GRHL2: variants seen among roughly 807,000 people sequenced by gnomAD.
GRHL2 encodes grainyhead like transcription factor 2, also known as grainyhead-like protein 2 homolog.
A neutral mutation model predicts 83.8 loss-of-function variants in GRHL2; 21 were observed. The ratio of observed to expected loss-of-function variants is 0.25; its 90% CI spans 0.18 to 0.36. GRHL2 has a LOEUF of 0.36. Among genes scored for constraint, GRHL2 ranks in the 10% least tolerant of loss-of-function variants. GRHL2 has a pLI of 1.00. For synonymous variants in GRHL2, 280 were observed against 278.9 expected (o/e 1.00, Z -0.04); for missense variants, 623 against 781.8 (o/e 0.80, Z 2.42).
At chr8:101,586,061 G>GTTTTTTTTTTTTTTTTT (rs1563593697) in intron 7 of GRHL2, among the ~76,000 whole-genome samples, 3 of 46,572 alleles carry the variant, frequency 6.4e-5, no homozygotes, top group Non-Finnish European at 9.3e-5. Flanking sequence ...TCCACCTCAT[G>GTTTTTTTTTTTTTTTTT]TTTCTTTTTT....
At chr8:101,576,240 GTCTC>G (rs1489016877) in intron 6 of GRHL2, among the ~76,000 whole-genome samples, 2 of 152,106 alleles carry the variant, frequency 1.3e-5, no homozygotes, top group Admixed American at 1.3e-4. Flanking sequence ...TTGAGACAGG[GTCTC>G]TCTCTGTCAC....
At position 101,669,254 on chromosome 8, in the gene GRHL2, C is replaced by CTTTTTATCTTTTTTTT. The variant is rs1554599112; in HGVS notation, c.*2556_*2557insATCTTTTTTTTTTTTT. The CTTTTTATCTTTTTTTT allele has an allele frequency of 7.9e-6, 1 of 126,626 alleles. No homozygotes were observed. Among genetic ancestry groups the CTTTTTATCTTTTTTTT allele is most frequent in the Non-Finnish European group, 1.6e-5 (1 of 61,468 alleles). The allele number at this position is 126,626 out of a possible 1,614,324, so 7.8% of individuals were successfully genotyped here. On this transcript the variant is annotated 3_prime_UTR_variant, in exon 16 of 16. Coordinates refer to ENST00000646743, the MANE Select transcript of GRHL2 (RefSeq NM_024915.4). ...GGACATGTGAAATGAGCATTTTTTT[C>CTTTTTATCTTTTTTTT]TTTTTTTTTTTTAACAAAGTCTGAA...
Position 101,558,504 on chromosome 8 carries a change from C to T in GRHL2, c.370C>T (p.Leu124Phe). The T allele has an allele frequency of 6.2e-7, 1 of 1,614,144 alleles. No homozygotes were observed. The highest frequency in any genetic ancestry group is 8.5e-7 in the Non-Finnish European group (1 of 1,180,024). ...VQVLKTVPVN[L>F]SLNQDHLENS... is the part of the protein sequence containing the mutation. ...AGTCCTAAAGACTGTTCCAGTGAAC[C>T]TTTCCCTAAATCAAGATCACCTGGA... is the stretch of plus-strand genomic sequence containing the variant. Residue 124 changes from leucine to phenylalanine, a missense_variant, in exon 4 of 16, where the codon CTT (leucine) becomes TTT (phenylalanine). This residue lies in a region of GRHL2 where 239 missense variants were observed against 240.5 expected (regional missense o/e 0.99). Transcript: ENST00000646743.
chr8:101,643,491 G>T (rs72674263), intron 12 of GRHL2, among the ~76,000 whole-genome samples: 106 of 152,106 alleles, frequency 7.0e-4, no homozygotes, highest in Non-Finnish European at 1.4e-3. Flanking sequence ...CTGGGGACAT[G>T]CAAGGCCTCA....
chr8:101,586,205 G>T (rs1396165851), intron 7 of GRHL2, among the ~76,000 whole-genome samples: 1 of 151,214 alleles, frequency 6.6e-6, no homozygotes, highest in Non-Finnish European at 1.5e-5. Context: ...TCAGCCTCCC[G>T]AGTAGCTGGG....
intron 9 of GRHL2, among the ~76,000 whole-genome samples, chr8:101,622,445 C>T (rs1466137258): frequency 6.6e-6 from 1 of 152,052 alleles, no homozygotes; most frequent in Non-Finnish European, 1.5e-5. Flanking sequence ...ATCTATTTAC[C>T]TGTAGATCTA....
At chr8:101,575,141 C>T (rs1287888152) in intron 6 of GRHL2, among the ~76,000 whole-genome samples, 4 of 151,996 alleles carry the variant, frequency 2.6e-5, no homozygotes, top group Non-Finnish European at 5.9e-5. Context: ...GGATATATTT[C>T]CTATAAATTA....
At chr8:101,571,175 G>A (rs190391666) in intron 5 of GRHL2, among the ~76,000 whole-genome samples, 1 of 152,324 alleles carries the variant, frequency 6.6e-6, no homozygotes, top group Non-Finnish European at 1.5e-5. Context: ...GGACCTATAG[G>A]CCTGCACATG....
chr8:101,559,351 T>TGCAAAAAAAAAAAAAAAAAAAAAAAAAA, intron 4 of GRHL2, among the ~76,000 whole-genome samples: 1 of 19,228 alleles, frequency 5.2e-5, no homozygotes, highest in Non-Finnish European at 1.5e-4. Flanking sequence ...CTACTAAAAA[T>TGCAAAAAAAAAAAAAAAAAAAAAAAAAA]ACAAAAAAAA....
At chr8:101,558,111 C>T (rs59905624) in intron 3 of GRHL2, among the ~76,000 whole-genome samples, 8 of 152,060 alleles carry the variant, frequency 5.3e-5, no homozygotes, top group Admixed American at 1.3e-4. Context: ...GTGATCCATC[C>T]GCCTTGGCCT....
chr8:101,657,744 G>A (rs1310452836), intron 14 of GRHL2, among the ~76,000 whole-genome samples: 1 of 151,868 alleles, frequency 6.6e-6, no homozygotes, highest in African/African-American at 2.4e-5. Flanking sequence ...GGAGGCTGAG[G>A]CAGGAGAATG....
At chr8:101,542,400 CA>C (rs1811171751) in intron 1 of GRHL2, among the ~76,000 whole-genome samples, 1 of 151,778 alleles carries the variant, frequency 6.6e-6, no homozygotes, top group Admixed American at 6.6e-5. Context: ...ACTAAAAATA[CA>C]AAAATTAGCC....
chr8:101,555,632 C>G (rs1008329101), intron 3 of GRHL2, among the ~76,000 whole-genome samples: 3 of 152,166 alleles, frequency 2.0e-5, no homozygotes, highest in African/African-American at 7.2e-5. Flanking sequence ...AATTTTCACT[C>G]TTTCTTATAT....
chr8:101,611,455 C>T (rs1410863695), intron 8 of GRHL2, among the ~76,000 whole-genome samples: 1 of 150,846 alleles, frequency 6.6e-6, no homozygotes, highest in Admixed American at 6.6e-5. Flanking sequence ...CCTCCTTCAT[C>T]TCAGAAGTGC....
chr8:101,623,377 G>A (rs1237504714), intron 9 of GRHL2, among the ~76,000 whole-genome samples: 1 of 151,690 alleles, frequency 6.6e-6, no homozygotes, highest in Non-Finnish European at 1.5e-5. Flanking sequence ...TTCACAGTAA[G>A]ACAGTTCACG....
intron 7 of GRHL2, among the ~76,000 whole-genome samples, chr8:101,584,998 G>A (rs1415480085): frequency 6.6e-6 from 1 of 152,190 alleles, no homozygotes; most frequent in Non-Finnish European, 1.5e-5. Context: ...CAGGTAGCCA[G>A]GTGATCAGGT....
chr8:101,501,589 C>G (rs1810230154), intron 1 of GRHL2, among the ~76,000 whole-genome samples: 1 of 152,082 alleles, frequency 6.6e-6, no homozygotes, highest in African/African-American at 2.4e-5. Flanking sequence ...GTGTGAGCGG[C>G]CAGCAGGGGC....
chr8:101,515,948 G>T (rs1031601915), intron 1 of GRHL2, among the ~76,000 whole-genome samples: 3 of 152,200 alleles, frequency 2.0e-5, no homozygotes, highest in Non-Finnish European at 4.4e-5. Flanking sequence ...ATCTGTGAGG[G>T]TTCATGAGAA....
intron 6 of GRHL2, among the ~76,000 whole-genome samples, chr8:101,576,638 A>AG (rs1811939057): frequency 6.6e-6 from 1 of 152,192 alleles, no homozygotes; most frequent in Non-Finnish European, 1.5e-5. Context: ...CTGTAATTAA[A>AG]GGGTTTTTTT....
Sources: gnomAD v4.1 joint callset for allele counts (sites outside exome capture counted in the v4.1 genomes callset) on GRCh38, gnomAD v4.1.1 for gene constraint, gnomAD v4.1.1 regional missense constraint, MANE v1.5 for transcripts, NCBI Gene and HGNC (gene_info 2026-07-23, HGNC 2026-07-21) for gene names.